The following MYO1E variants were observed in gnomAD, a reference collection of about 807,000 sequenced individuals.
MYO1E encodes the protein unconventional myosin-Ie.
MYO1E carries 68 observed loss-of-function variants against 151.1 expected under a neutral mutation model. The observed-to-expected ratio is 0.45, with a 90% CI of 0.37 to 0.55. The LOEUF is 0.55. Among genes scored for constraint, MYO1E ranks in the 20% least tolerant of loss-of-function variants. The pLI is 0.00. For missense variants in MYO1E, 1,363 were observed against 1,389.3 expected (o/e 0.98, Z 0.30); for synonymous variants, 601 against 501.7 (o/e 1.20, Z -2.64).
At chr15:59,270,382 C>T (rs1216735969) in intron 2 of MYO1E, among the ~76,000 whole-genome samples, 3 of 151,530 alleles carry the variant, frequency 2.0e-5, no homozygotes, top group South Asian at 2.1e-4. Flanking sequence ...TGAAACCCTA[C>T]CTCTACAAAA....
intron 9 of MYO1E, among the ~76,000 whole-genome samples, chr15:59,221,076 G>A (rs1466994912): frequency 7.1e-6 from 1 of 140,820 alleles, no homozygotes; most frequent in Non-Finnish European, 1.5e-5. Context: ...TTCCCTTTTT[G>A]AGATGGAGAC....
chr15:59,353,857 C>T (rs1380205982), intron 1 of MYO1E, among the ~76,000 whole-genome samples: 11 of 152,090 alleles, frequency 7.2e-5, no homozygotes, highest in African/African-American at 2.7e-4. Flanking sequence ...AATTTTTGTC[C>T]TGTTAAATAT....
intron 2 of MYO1E, chr15:59,267,053 G>A (rs1437882475): frequency 2.8e-5 from 3 of 105,386 alleles, no homozygotes; most frequent in African/African-American, 1.1e-4. Context: ...TTGAGGTGGA[G>A]TCTTGCTCTG....
chr15:59,242,038 C>T (rs2080102759), intron 4 of MYO1E, among the ~76,000 whole-genome samples: 1 of 152,180 alleles, frequency 6.6e-6, no homozygotes, highest in East Asian at 1.9e-4. Flanking sequence ...AGATCCAAGA[C>T]AGTGACCTTG....
chr15:59,268,759 G>A (rs974620612), intron 2 of MYO1E, among the ~76,000 whole-genome samples: 15 of 30,920 alleles, frequency 4.9e-4, no homozygotes, highest in Non-Finnish European at 1.4e-3. Flanking sequence ...TGCATGGTAT[G>A]AGCCATGTTA....
At chr15:59,138,431 T>A (rs2079387580) in intron 26 of MYO1E, 64 bp from the exon 27 acceptor site, 2 of 1,583,890 alleles carry the variant, frequency 1.3e-6, no homozygotes, top group African/African-American at 2.7e-5. Context: ...CGAACGGTGG[T>A]TTGGAGCATG....
intron 4 of MYO1E, among the ~76,000 whole-genome samples, chr15:59,239,513 G>C (rs1257250833): frequency 6.6e-6 from 1 of 151,698 alleles, no homozygotes; most frequent in African/African-American, 2.4e-5. Flanking sequence ...ATTTAAAAAA[G>C]AATTATAAAA....
chr15:59,259,842 A>G (rs2080215025), intron 3 of MYO1E, among the ~76,000 whole-genome samples: 1 of 152,014 alleles, frequency 6.6e-6, no homozygotes, highest in Non-Finnish European at 1.5e-5. Flanking sequence ...CTCCCCTGAG[A>G]CTCTCAAAGT....
chr15:59,145,554 T>A (rs2079436332), intron 26 of MYO1E, among the ~76,000 whole-genome samples: 1 of 152,052 alleles, frequency 6.6e-6, no homozygotes, highest in Non-Finnish European at 1.5e-5. Context: ...GCCCGGCTAA[T>A]TTTTCTTTTG....
At chr15:59,360,594 G>A (rs2080879597) in intron 1 of MYO1E, among the ~76,000 whole-genome samples, 1 of 152,202 alleles carries the variant, frequency 6.6e-6, no homozygotes, top group African/African-American at 2.4e-5. Flanking sequence ...CCCTTTAGCA[G>A]ATAGAAAATG....
intron 12 of MYO1E, among the ~76,000 whole-genome samples, chr15:59,210,847 A>G (rs1279477161): frequency 6.6e-6 from 1 of 152,162 alleles, no homozygotes; most frequent in Non-Finnish European, 1.5e-5. Context: ...GCCAAAGAAA[A>G]CTACAATTTA....
At chr15:59,200,675 G>C (rs1474792458) in intron 16 of MYO1E, among the ~76,000 whole-genome samples, 1 of 152,206 alleles carries the variant, frequency 6.6e-6, no homozygotes, top group African/African-American at 2.4e-5. Flanking sequence ...ATACAGGAAA[G>C]GGGCTAATGG....
rs73424904 is a variant in MYO1E at position 59,237,394 on chromosome 15, C to A, written c.333-722G>T. 9.3e-3 allele frequency among the ~76,000 whole-genome samples: 1,417 copies of A among 152,294 alleles called. 21 individuals carry two copies. The highest frequency in any genetic ancestry group is 0.033 in the African/African-American group (1,372 of 41,566). On this transcript the variant is annotated intron_variant, in intron 4 of 27. Coordinates refer to ENST00000288235, the MANE Select transcript of MYO1E (RefSeq NM_004998.4). ...CACCTTCCGCTGGGTAGCCTTCCTGCATGGGGAGAGCCTTTTGTTAATAAT... is the reference window on the plus strand; with the variant it reads ...CACCTTCCGCTGGGTAGCCTTCCTGAATGGGGAGAGCCTTTTGTTAATAAT...
intron 19 of MYO1E, among the ~76,000 whole-genome samples, chr15:59,176,351 C>A (rs1423386694): frequency 1.3e-5 from 2 of 151,996 alleles, no homozygotes; most frequent in Non-Finnish European, 1.5e-5. Context: ...TGAGCCACTG[C>A]GCGCGGTTAT....
At chr15:59,306,523 G>T (rs1253221973) in intron 1 of MYO1E, among the ~76,000 whole-genome samples, 1 of 152,206 alleles carries the variant, frequency 6.6e-6, no homozygotes, top group East Asian at 1.9e-4. Context: ...TCAGGTTGTG[G>T]ATGGAGGAAA....
intron 1 of MYO1E, among the ~76,000 whole-genome samples, chr15:59,322,082 G>A (rs1400018381): frequency 1.3e-5 from 2 of 150,260 alleles, no homozygotes; most frequent in Non-Finnish European, 3.0e-5. Flanking sequence ...GGCTGAGGCA[G>A]GATAATTGTT....
chr15:59,252,696 CAG>C lies in MYO1E; in HGVS notation c.332+3586_332+3587del, dbSNP rs1255247995. On this transcript the variant is annotated intron_variant, in intron 4 of 27. Coordinates refer to ENST00000288235, the MANE Select transcript of MYO1E (RefSeq NM_004998.4). Reference sequence around the variant, plus strand: ...TGCCACTGCACTCCAGCCTGGGCGACAGAGTGAGACTCTGTCTCAAAAAAAAA... The same window carrying C: ...TGCCACTGCACTCCAGCCTGGGCGACAGTGAGACTCTGTCTCAAAAAAAAA... Among the ~76,000 whole-genome samples the C allele has an allele frequency of 7.4e-5, 11 of 147,662 alleles. No individual in the cohort carries two copies. In the East Asian group the frequency reaches 2.2e-3, roughly 30 times the overall value.
At chr15:59,258,162 C>T (rs561993697) in intron 3 of MYO1E, among the ~76,000 whole-genome samples, 155 of 152,238 alleles carry the variant, frequency 1.0e-3, no homozygotes, top group African/African-American at 3.5e-3. Flanking sequence ...GTCTGGCCAA[C>T]GTGGCAAAAC....
intron 4 of MYO1E, among the ~76,000 whole-genome samples, chr15:59,253,492 T>TC (rs2080176948): frequency 6.7e-6 from 1 of 150,078 alleles, no homozygotes; most frequent in Non-Finnish European, 1.5e-5. Context: ...TTTTTTTTTT[T>TC]TTTTTTTTGA....
Sources: gnomAD v4.1 joint callset for allele counts (sites outside exome capture counted in the v4.1 genomes callset) on GRCh38, gnomAD v4.1.1 for gene constraint, MANE v1.5 for transcripts, NCBI Gene and HGNC (gene_info 2026-07-23, HGNC 2026-07-21) for gene names.